The following PSAP variants were observed in gnomAD, a reference collection of about 807,000 sequenced individuals.
PSAP encodes prosaposin, also known as precursor of saposins.
Under a neutral mutation model 66.0 loss-of-function variants are expected in PSAP, and 25 were observed. That is an observed-to-expected ratio of 0.38 (90% CI 0.28 to 0.53). The LOEUF (loss-of-function observed/expected upper bound fraction) is 0.53, where lower values mean the gene tolerates loss of function less well. Among genes scored for constraint, PSAP ranks in the 20% least tolerant of loss-of-function variants. The pLI, the probability that PSAP is intolerant of heterozygous loss-of-function variation, is 0.83. For synonymous variants in PSAP, 273 were observed against 258.9 expected (o/e 1.05, Z -0.52); for missense variants, 649 against 668.8 (o/e 0.97, Z 0.33).
rs1325089115 is a variant in PSAP at position 71,816,579 on chromosome 10, A to G, written c.*862T>C. On this transcript the variant is annotated 3_prime_UTR_variant, in exon 14 of 14. Coordinates refer to ENST00000394936, the MANE Select transcript of PSAP (RefSeq NM_002778.4). Reference sequence around the variant, plus strand: ...ATCCATATTTATTTGAAAAGGTCAAAAGGAGCATCTATGAGACAAGGGAGG... The same window carrying G: ...ATCCATATTTATTTGAAAAGGTCAAGAGGAGCATCTATGAGACAAGGGAGG... 1 of 433,632 alleles carries G rather than the reference A, an allele frequency of 2.3e-6. No individual in the cohort carries two copies. The highest frequency in any genetic ancestry group is 4.9e-6 in the Non-Finnish European group (1 of 202,778). 26.9% of individuals were successfully genotyped at this position (433,632 alleles called of 1,614,324 possible).
intron 1 of PSAP, among the ~76,000 whole-genome samples, chr10:71,840,375 T>A (rs1842713515): frequency 6.6e-6 from 1 of 152,156 alleles, no homozygotes; most frequent in South Asian, 2.1e-4. Flanking sequence ...TCAGAGGAAT[T>A]CATGCACTTC....
chr10:71,820,341 G>A lies in PSAP; in HGVS notation c.910-6C>T. ...TTTGCTGGGACCTCGTGCTTCTGTG[G>A]AAAGAGTAGAAGGAGAGTACTTTCA... On this transcript the variant is annotated splice_polypyrimidine_tract_variant and splice_region_variant and intron_variant, in intron 8 of 13. Coordinates refer to ENST00000394936, the MANE Select transcript of PSAP (RefSeq NM_002778.4). The A allele has an allele frequency of 6.2e-7, 1 of 1,610,070 alleles. No homozygotes were observed.
intron 8 of PSAP, among the ~76,000 whole-genome samples, chr10:71,821,264 C>A (rs889205849): frequency 6.6e-6 from 1 of 152,224 alleles, no homozygotes; most frequent in Non-Finnish European, 1.5e-5. Context: ...CGTGTTAAGG[C>A]ATCACACAGC....
rs1350293245 is a variant in PSAP, at chr10:71,820,258, A to C, written c.987T>G (p.Ile329Met). The change falls in exon 9 of 14, where the codon ATT (isoleucine) becomes ATG (methionine). Residue 329 changes from isoleucine (I) to methionine (M), a missense_variant. Transcript: ENST00000394936. ...AGCATACCTCAGTCTTGTTGTTGTC[A>C]ATCAGCTTGGTCACCTCCTTCACCA... ...EFLVKEVTKL[I>M]DNNKTEKEIL... 1 of 1,613,870 alleles carries C rather than the reference A, an allele frequency of 6.2e-7. No homozygotes were observed. Among genetic ancestry groups the C allele is most frequent in the Non-Finnish European group, 8.5e-7 (1 of 1,179,748 alleles).
chr10:71,816,506 T>C lies in PSAP; in HGVS notation c.*935A>G, dbSNP rs886047148. On this transcript the variant is annotated 3_prime_UTR_variant, in exon 14 of 14. Coordinates refer to ENST00000394936, the MANE Select transcript of PSAP (RefSeq NM_002778.4). ...CATCCAATCCACACCCAGCAGACCC[T>C]TCGGCATGCCGCCCTCTACCAGGAA... 3 of 465,186 alleles carry C rather than the reference T, an allele frequency of 6.4e-6. No individual in the cohort carries two copies. The highest frequency in any genetic ancestry group is 1.4e-5 in the Non-Finnish European group (3 of 221,956). The allele number at this position is 465,186 out of a possible 1,614,324, so 28.8% of individuals were successfully genotyped here. A position where few individuals can be genotyped will look rare whatever the true frequency, so the allele number is the denominator to read the frequency against.
intron 1 of PSAP, among the ~76,000 whole-genome samples, chr10:71,837,116 G>C (rs11000025): frequency 6.6e-6 from 1 of 152,178 alleles, no homozygotes; most frequent in African/African-American, 2.4e-5. Context: ...ACAGATTTCC[G>C]TGGACACAGG....
chr10:71,832,043 C>A, intron 2 of PSAP, 123 bp from the exon 3 acceptor site: 1 of 950,138 alleles, frequency 1.1e-6, no homozygotes. Flanking sequence ...GACCGCGCTC[C>A]TGTCACATCC....
At chr10:71,841,492 G>A (rs1842732697) in intron 1 of PSAP, among the ~76,000 whole-genome samples, 1 of 152,180 alleles carries the variant, frequency 6.6e-6, no homozygotes. Context: ...GGTCACGGGA[G>A]GATATCAGAC....
At chr10:71,835,359 CAGTT>C (rs1842601220) in intron 1 of PSAP, among the ~76,000 whole-genome samples, 1 of 152,056 alleles carries the variant, frequency 6.6e-6, no homozygotes, top group African/African-American at 2.4e-5. Flanking sequence ...GAGGTGGGGT[CAGTT>C]GAGTCCAGGA....
rs12252719 is a variant in PSAP at position 71,829,625 on chromosome 10, G to A, written c.376-548C>T. 6.9e-3 allele frequency among the ~76,000 whole-genome samples: 1,052 copies of A among 152,056 alleles called. 14 individuals are homozygous for A. The highest frequency in any genetic ancestry group is 0.024 in the African/African-American group (1,010 of 41,446). ...CTTTTTTTATAAATTACCCAGTCTC[G>A]GGTATGTCTTTATTAGTAGCATGAA... On this transcript the variant is annotated intron_variant, in intron 4 of 13. Coordinates refer to ENST00000394936, the MANE Select transcript of PSAP (RefSeq NM_002778.4).
rs778297201 is a variant in PSAP at position 71,819,614 on chromosome 10, T to G, written c.1201A>C (p.Thr401Pro). ...TRLPALTVHV[T>P]QPKDGGFCEV... is the part of the protein sequence containing the mutation. ...CAGAAGCCACCGTCCTTTGGCTGAGTCACGTGAACTACATAAGAGGGCAGC... is the reference window on the plus strand; with the variant it reads ...CAGAAGCCACCGTCCTTTGGCTGAGGCACGTGAACTACATAAGAGGGCAGC... Residue 401 changes from threonine (T) to proline (P), a missense_variant, in exon 11 of 14, where the codon ACT (threonine) becomes CCT (proline). Coordinates refer to ENST00000394936, the MANE Select transcript of PSAP (RefSeq NM_002778.4). The G allele has an allele frequency of 9.3e-6, 15 of 1,614,096 alleles. No homozygotes were observed. The highest frequency in any genetic ancestry group is 9.3e-6 in the Non-Finnish European group (11 of 1,180,016).
intron 6 of PSAP, among the ~76,000 whole-genome samples, chr10:71,827,307 G>C (rs914048473): frequency 1.3e-5 from 2 of 151,906 alleles, no homozygotes; most frequent in Non-Finnish European, 2.9e-5. Context: ...GCTGAGGCAG[G>C]AGAATGGCGT....
Position 71,842,143 on chromosome 10 carries a change from A to T in PSAP, c.41-7638T>A, listed in dbSNP as rs984995101. 1.6e-4 allele frequency among the ~76,000 whole-genome samples: 25 copies of T among 152,210 alleles called. 1 individual carries two copies. The highest frequency in any genetic ancestry group is 7.3e-5 in the Non-Finnish European group (5 of 68,030). ...ATCCCAGGGACTCTTTCAGGGGGTG[A>T]GGGCAAAATCCTCATGATAAAACCA... On this transcript the variant is annotated intron_variant, in intron 1 of 13. Coordinates refer to ENST00000394936, the MANE Select transcript of PSAP (RefSeq NM_002778.4).
chr10:71,819,419 T>G, intron 11 of PSAP, 46 bp downstream of exon 11: 1 of 1,610,538 alleles, frequency 6.2e-7, no homozygotes, highest in Non-Finnish European at 8.5e-7. Context: ...GCATACTTCA[T>G]CAGGTTCTGC....
Position 71,816,548 on chromosome 10 carries a change from C to T in PSAP, c.*893G>A, listed in dbSNP as rs1842162595. On this transcript the variant is annotated 3_prime_UTR_variant, in exon 14 of 14. Transcript: ENST00000394936. ...TACCAGGAAGCCAGAGGCCTAGGAG[C>T]TCGCCATCCATATTTATTTGAAAAG... The T allele has an allele frequency of 2.2e-6, 1 of 448,384 alleles. No individual in the cohort carries two copies. The highest frequency in any genetic ancestry group is 4.8e-6 in the Non-Finnish European group (1 of 209,724). The allele number at this position is 448,384 out of a possible 1,614,324, so 27.8% of individuals were successfully genotyped here.
chr10:71,825,810 C>G lies in PSAP; in HGVS notation c.777+27G>C, dbSNP rs756788560. 1.3e-5 allele frequency: 20 copies of G among 1,597,772 alleles called. No individual in the cohort carries two copies. The East Asian group carries it at 2.7e-4, about 21-fold the overall frequency. ...GAAACCTGAAAAACAAAGAAAAATG[C>G]TAACAAGGGGCCTCCGTGCCACCTA... On this transcript the variant is annotated intron_variant, in intron 7 of 13. Coordinates refer to ENST00000394936, the MANE Select transcript of PSAP (RefSeq NM_002778.4).
intron 6 of PSAP, among the ~76,000 whole-genome samples, chr10:71,827,449 G>A (rs889053117): frequency 4.0e-5 from 6 of 150,404 alleles, no homozygotes; most frequent in Non-Finnish European, 7.4e-5. Context: ...GGTAAAGGCC[G>A]GGCGCAGAGA....
intron 8 of PSAP, 32 bp downstream of exon 8, chr10:71,821,844 C>T: frequency 6.2e-7 from 1 of 1,613,866 alleles, no homozygotes; most frequent in Non-Finnish European, 8.5e-7. Flanking sequence ...CATTGCACAG[C>T]CCTGACCAGG....
rs920658754 is a variant in PSAP at position 71,834,494 on chromosome 10, G to C, written c.52C>G (p.Pro18Ala). Residue 18 changes from proline to alanine, a missense_variant, in exon 2 of 14, where the codon CCG becomes GCG. Transcript: ENST00000394936. Reference sequence around the variant, plus strand: ...GTGCATTCTTTCAGTCCAAGGACCGGGCCGGCTAGAGCTAAAATGAAAACC... The same window carrying C: ...GTGCATTCTTTCAGTCCAAGGACCGCGCCGGCTAGAGCTAAAATGAAAACC... ...ASLLGAALAG[P>A]VLGLKECTRG... 1.9e-6 allele frequency: 3 copies of C among 1,613,990 alleles called. No individual in the cohort carries two copies. The highest frequency in any genetic ancestry group is 1.7e-6 in the Non-Finnish European group (2 of 1,179,970).
Sources: allele counts gnomAD v4.1 joint callset (sites outside exome capture counted in the v4.1 genomes callset), GRCh38; gene constraint gnomAD v4.1.1; transcripts MANE v1.5; gene names NCBI Gene and HGNC (gene_info 2026-07-23, HGNC 2026-07-21).